Variants in POU2AF1 observed in about 807,000 individuals in gnomAD.
POU2AF1 encodes POU domain class 2-associating factor 1.
POU2AF1 carries 12 observed loss-of-function variants against 26.3 expected under a neutral mutation model. The observed-to-expected ratio is 0.46, with a 90% CI of 0.29 to 0.74. The LOEUF is 0.74. Among genes scored for constraint, POU2AF1 ranks in the 30% least tolerant of loss-of-function variants. POU2AF1 has a pLI of 0.09. For synonymous variants in POU2AF1, 175 were observed against 148.0 expected (o/e 1.18, Z -1.32); for missense variants, 297 against 334.5 (o/e 0.89, Z 0.87).
Position 111,357,490 on chromosome 11 carries a change from G to A in POU2AF1, c.411C>T (p.Ser137=), listed in dbSNP as rs986638045. The A allele has an allele frequency of 6.2e-7, 1 of 1,614,024 alleles. No homozygotes were observed. The highest frequency in any genetic ancestry group is 1.3e-5 in the African/African-American group (1 of 74,918). Residue 137 remains serine, a synonymous_variant, in exon 4 of 5, where the codon TCC becomes TCT. Transcript: ENST00000393067. Reference sequence around the variant, plus strand: ...GCGGAGAGGCATAGGTCAACACTGAGGAGGGCCCCACCACCGTGTAGCTGG... The same window carrying A: ...GCGGAGAGGCATAGGTCAACACTGAAGAGGGCCCCACCACCGTGTAGCTGG... The part of the protein sequence containing the change: ...VCPSYTVVGP[S]SVLTYASPPL...
chr11:111,357,562 A>C lies in POU2AF1; in HGVS notation c.339T>G (p.Ala113=), dbSNP rs2135109967. Residue 113 remains alanine, a synonymous_variant, in exon 4 of 5, where the codon GCT becomes GCG. Coordinates refer to ENST00000393067, the MANE Select transcript of POU2AF1 (RefSeq NM_006235.3). ...TGTCAGCTGAGTAGGGGCAGCTGAC[A>C]GCTTCATGGGGCACATACTCGGTGT... is the stretch of plus-strand genomic sequence containing the variant. ...TPYTEYVPHE[A]VSCPYSADMY... 6.2e-7 allele frequency: 1 copy of C among 1,614,156 alleles called. No individual in the cohort carries two copies. Among genetic ancestry groups the C allele is most frequent in the East Asian group, 2.2e-5 (1 of 44,874 alleles).
intron 1 of POU2AF1, among the ~76,000 whole-genome samples, chr11:111,362,525 G>A (rs548279343): frequency 2.6e-5 from 4 of 152,140 alleles, no homozygotes; most frequent in Non-Finnish European, 5.9e-5. Flanking sequence ...ATTCAATTGT[G>A]TGAATTTGTA....
intron 2 of POU2AF1, among the ~76,000 whole-genome samples, chr11:111,358,561 C>T (rs544761938): frequency 2.6e-4 from 39 of 151,288 alleles, no homozygotes; most frequent in African/African-American, 7.3e-4. Flanking sequence ...CACTCACATG[C>T]ATACACTCAC....
intron 2 of POU2AF1, among the ~76,000 whole-genome samples, chr11:111,358,345 C>T (rs1223337776): frequency 1.7e-5 from 1 of 58,224 alleles, no homozygotes; most frequent in Admixed American, 2.5e-4. Flanking sequence ...CTCTCACACT[C>T]TCACACTCAC....
chr11:111,365,948 A>G (rs187231549), intron 1 of POU2AF1, among the ~76,000 whole-genome samples: 1 of 152,308 alleles, frequency 6.6e-6, no homozygotes, highest in Non-Finnish European at 1.5e-5. Context: ...CATTAACTCC[A>G]GTTGGCTAAA....
chr11:111,374,225 C>T lies in POU2AF1; in HGVS notation c.16+4937G>A, dbSNP rs575467961. 3.4e-5 allele frequency among the ~76,000 whole-genome samples: 5 copies of T among 149,162 alleles called. No individual in the cohort carries two copies. In the East Asian group the frequency reaches 1.0e-3, roughly 30 times the overall value. On this transcript the variant is annotated intron_variant, in intron 1 of 4. Coordinates refer to ENST00000393067, the MANE Select transcript of POU2AF1 (RefSeq NM_006235.3). ...TCAGTAACTTTGGGGACAAATCTGG[C>T]ATTTTCTTTAGTAAATAAATATAAG...
At chr11:111,372,049 C>CAGAGAGAGAGAGAG (rs1159443371) in intron 1 of POU2AF1, among the ~76,000 whole-genome samples, 14 of 132,556 alleles carry the variant, frequency 1.1e-4, no homozygotes, top group Non-Finnish European at 2.0e-4. Flanking sequence ...CACACACACA[C>CAGAGAGAGAGAGAG]ACACACACAC....
At position 111,359,153 on chromosome 11, in the gene POU2AF1, G is replaced by T. The variant is rs140695043; in HGVS notation, c.17-235C>A. 8.3e-4 allele frequency: 556 copies of T among 667,326 alleles called. 5 individuals carry two copies. The East Asian group carries it at 0.015, about 18-fold the overall frequency. 41.3% of individuals were successfully genotyped at this position (667,326 alleles called of 1,614,324 possible). On this transcript the variant is annotated intron_variant, in intron 1 of 4. Coordinates refer to ENST00000393067, the MANE Select transcript of POU2AF1 (RefSeq NM_006235.3). ...CAGCTCCTTGTCCTAGAATTGGACA[G>T]TCTTCAGAATGAGATCCGAACCCAT...
intron 1 of POU2AF1, among the ~76,000 whole-genome samples, chr11:111,375,950 A>G (rs910883941): frequency 2.0e-5 from 3 of 152,250 alleles, no homozygotes; most frequent in African/African-American, 7.2e-5. Context: ...CACAGAGGCC[A>G]TAGTTTGCAG....
intron 1 of POU2AF1, among the ~76,000 whole-genome samples, chr11:111,365,857 C>CA (rs35060957): frequency 1.0e-3 from 142 of 137,116 alleles, no homozygotes; most frequent in South Asian, 5.5e-3. Flanking sequence ...AACTCCATCT[C>CA]AAAAAAAAAA....
intron 1 of POU2AF1, among the ~76,000 whole-genome samples, chr11:111,365,564 A>C (rs1363513524): frequency 6.6e-6 from 1 of 152,238 alleles, no homozygotes; most frequent in Non-Finnish European, 1.5e-5. Flanking sequence ...TTTTCTCTTT[A>C]TTTGTAGCAA....
chr11:111,376,178 A>G (rs1457528336), intron 1 of POU2AF1, among the ~76,000 whole-genome samples: 1 of 152,196 alleles, frequency 6.6e-6, no homozygotes, highest in African/African-American at 2.4e-5. Flanking sequence ...CATTTTACCT[A>G]CATTCTCTAC....
intron 2 of POU2AF1, among the ~76,000 whole-genome samples, chr11:111,358,442 T>TCACACACTCACACA (rs1565360870): frequency 2.1e-5 from 1 of 46,820 alleles, no homozygotes; most frequent in Admixed American, 2.8e-4. Context: ...ACACTCACTC[T>TCACACACTCACACA]CACACACACA....
At chr11:111,371,400 A>C (rs1443015529) in intron 1 of POU2AF1, among the ~76,000 whole-genome samples, 1 of 152,172 alleles carries the variant, frequency 6.6e-6, no homozygotes, top group African/African-American at 2.4e-5. Flanking sequence ...CTAGATTACA[A>C]ACACTCAGTC....
rs558264895 is a variant in POU2AF1, at chr11:111,354,549, C to G, written c.483G>C (p.Val161=). The G allele has an allele frequency of 2.6e-6, 4 of 1,542,210 alleles. No homozygotes were observed. In the East Asian group the frequency reaches 6.9e-5, roughly 26 times the overall value. ...GCTCTGGGCCCTCCAGCGGGGGCCCCACTGCGGGCGTGGCGGAGCTTCTTG... is the reference window on the plus strand; with the variant it reads ...GCTCTGGGCCCTCCAGCGGGGGCCCGACTGCGGGCGTGGCGGAGCTTCTTG... ...VTTRSSATPA[V]GPPLEGPEHQ... The change falls in exon 5 of 5, where the codon GTG becomes GTC. Residue 161 remains valine, a synonymous_variant. Transcript: ENST00000393067.
In POU2AF1 at chr11:111,354,554, C is replaced by A. The variant is rs773445239; in HGVS notation, c.478G>T (p.Ala160Ser). ...GGGCCCTCCAGCGGGGGCCCCACTGCGGGCGTGGCGGAGCTTCTTGTCTGT... is the reference window on the plus strand; with the variant it reads ...GGGCCCTCCAGCGGGGGCCCCACTGAGGGCGTGGCGGAGCTTCTTGTCTGT... ...NVTTRSSATP[A>S]VGPPLEGPEH... is the part of the protein sequence containing the mutation. The change falls in exon 5 of 5, where the codon GCA (alanine) becomes TCA (serine). Residue 160 changes from alanine (A) to serine (S), a missense_variant. By Grantham distance (99) the Ala-to-Ser change is moderately conservative. Coordinates refer to ENST00000393067, the MANE Select transcript of POU2AF1 (RefSeq NM_006235.3). The A allele has an allele frequency of 3.3e-6, 5 of 1,533,014 alleles. No homozygotes were observed. In the South Asian group the frequency reaches 3.9e-5, roughly 12 times the overall value. The allele number at this position is 1,533,014 out of a possible 1,614,324, so 95.0% of individuals were successfully genotyped here. A position where few individuals can be genotyped will look rare whatever the true frequency, so the allele number is the denominator to read the frequency against.
Position 111,354,589 on chromosome 11 carries a change from ACAC to A in POU2AF1, c.457-17_457-15del. ...GGAGCTTCTTGTCTGTGACAGGAAA[ACAC>A]GTGACAGAGGGTTAGCAGCCCCAGG... On this transcript the variant is annotated splice_polypyrimidine_tract_variant and intron_variant, in intron 4 of 4. Coordinates refer to ENST00000393067, the MANE Select transcript of POU2AF1 (RefSeq NM_006235.3). The A allele has an allele frequency of 6.6e-7, 1 of 1,505,922 alleles. No individual in the cohort carries two copies. Among genetic ancestry groups the A allele is most frequent in the South Asian group, 1.4e-5 (1 of 71,694 alleles). 93.3% of individuals were successfully genotyped at this position (1,505,922 alleles called of 1,614,324 possible).
At chr11:111,378,368 A>G (rs937905611) in intron 1 of POU2AF1, among the ~76,000 whole-genome samples, 7 of 152,204 alleles carry the variant, frequency 4.6e-5, no homozygotes, top group South Asian at 4.1e-4. Context: ...ATAAGGTTCA[A>G]CTCTCAGAAG....
At chr11:111,367,689 C>A (rs768873648) in intron 1 of POU2AF1, among the ~76,000 whole-genome samples, 81 of 152,294 alleles carry the variant, frequency 5.3e-4, no homozygotes, top group Non-Finnish European at 9.0e-4. Context: ...CTTGGACTAC[C>A]CTGATCCAGT....
Sources: gnomAD v4.1 joint callset for allele counts (sites outside exome capture counted in the v4.1 genomes callset) on GRCh38, gnomAD v4.1.1 for gene constraint, MANE v1.5 for transcripts, NCBI Gene and HGNC (gene_info 2026-07-23, HGNC 2026-07-21) for gene names.